FUT8: variants seen among roughly 807,000 people sequenced by gnomAD.
FUT8 encodes the protein fucosyltransferase 8.
A neutral mutation model predicts 71.3 loss-of-function variants in FUT8; 29 were observed. The observed-to-expected ratio is 0.41, with a 90% CI of 0.30 to 0.55. The LOEUF (loss-of-function observed/expected upper bound fraction) is 0.55, where lower values mean the gene tolerates loss of function less well. Among genes scored for constraint, FUT8 ranks in the 20% least tolerant of loss-of-function variants. The probability of loss-of-function intolerance (pLI) is 0.34; values close to 1 mark genes in which losing one functional copy is unlikely to be tolerated. For missense variants in FUT8, 544 were observed against 702.1 expected (o/e 0.77, Z 2.55); for synonymous variants, 254 against 239.3 (o/e 1.06, Z -0.57).
At chr14:65,439,858 T>C (rs575483584) in intron 1 of FUT8, among the ~76,000 whole-genome samples, 9 of 151,006 alleles carry the variant, frequency 6.0e-5, no homozygotes, top group South Asian at 2.1e-4. Flanking sequence ...TTATCTCTTA[T>C]GTTTGTTAAA....
chr14:65,527,535 T>G (rs1467061568), intron 2 of FUT8, among the ~76,000 whole-genome samples: 1 of 152,230 alleles, frequency 6.6e-6, no homozygotes, highest in Non-Finnish European at 1.5e-5. Context: ...TGGAGAAGTT[T>G]GATCGTCTGA....
chr14:65,543,314 T>A (rs1488215863), intron 2 of FUT8, among the ~76,000 whole-genome samples: 2 of 152,200 alleles, frequency 1.3e-5, no homozygotes, highest in African/African-American at 4.8e-5. Context: ...AAGGCCTGAT[T>A]TAATTTTTAT....
At chr14:65,533,416 G>T (rs1884083400) in intron 2 of FUT8, among the ~76,000 whole-genome samples, 1 of 152,044 alleles carries the variant, frequency 6.6e-6, no homozygotes, top group Admixed American at 6.6e-5. Context: ...TTTTGTGGCA[G>T]TTGCGAATGG....
chr14:65,702,222 G>A (rs866646400), intron 7 of FUT8, among the ~76,000 whole-genome samples: 1 of 152,088 alleles, frequency 6.6e-6, no homozygotes, highest in Non-Finnish European at 1.5e-5. Context: ...GCACACGCCT[G>A]TAATCCCAGC....
the FUT8 span, among the ~76,000 whole-genome samples, chr14:65,396,153 A>T: frequency 2.0e-5 from 3 of 152,330 alleles, no homozygotes; most frequent in Admixed American, 1.3e-4. The surrounding 1 kb of genome is among the most constrained non-coding windows in gnomAD (Gnocchi z 5.5). Context: ...ACAAGTCTCT[A>T]GGAAGTTCCA....
the FUT8 span, among the ~76,000 whole-genome samples, chr14:65,358,805 G>GTTATTTGTGTTTTTTTGTGCTA: frequency 6.6e-6 from 1 of 152,128 alleles, no homozygotes; most frequent in Non-Finnish European, 1.5e-5. Flanking sequence ...GTTTTCTGCT[G>GTTATTTGTGTTTTTTTGTGCTA]TTATTTGTGT....
In FUT8 at chr14:65,638,180, T is replaced by C. The variant is rs749288322; in HGVS notation, c.597+8574T>C. ...GTCCTACAGTTGTTCCTGTGAACAT[T>C]GTCCTTCTCCCAAGACCCTCCGTCT... On this transcript the variant is annotated intron_variant, in intron 6 of 10. Transcript: ENST00000673929. This position sits in a 1 kb window ranked among gnomAD's most constrained non-coding sequence, Gnocchi z 4.5. 6.6e-6 allele frequency among the ~76,000 whole-genome samples: 1 copy of C among 152,128 alleles called. No homozygotes were observed. The highest frequency in any genetic ancestry group is 2.4e-5 in the African/African-American group (1 of 41,430).
At chr14:65,714,820 A>G (rs1252006144) in intron 7 of FUT8, among the ~76,000 whole-genome samples, 1 of 152,080 alleles carries the variant, frequency 6.6e-6, no homozygotes, top group Non-Finnish European at 1.5e-5. Flanking sequence ...GTTAATTCCT[A>G]GGTATTTAAC....
intron 6 of FUT8, among the ~76,000 whole-genome samples, chr14:65,662,735 G>A (rs891023170): frequency 4.6e-5 from 7 of 152,200 alleles, no homozygotes; most frequent in Non-Finnish European, 8.8e-5. Flanking sequence ...AGAAGGGCGA[G>A]TGAACAGGGA....
chr14:65,710,914 A>G (rs942114406), intron 7 of FUT8, among the ~76,000 whole-genome samples: 7 of 152,192 alleles, frequency 4.6e-5, no homozygotes, highest in Non-Finnish European at 1.0e-4. Flanking sequence ...GGACATGGCA[A>G]GAGAGGAGGG....
chr14:65,505,611 C>G (rs2066719894), intron 2 of FUT8, among the ~76,000 whole-genome samples: 1 of 152,052 alleles, frequency 6.6e-6, no homozygotes, highest in Non-Finnish European at 1.5e-5. Flanking sequence ...CGTGCCCGGC[C>G]TACATCTCAG....
intron 2 of FUT8, among the ~76,000 whole-genome samples, chr14:65,547,936 A>G (rs1032816847): frequency 6.6e-6 from 1 of 151,910 alleles, no homozygotes; most frequent in Non-Finnish European, 1.5e-5. Context: ...CCCTGTTCCA[A>G]GATTCAATTC....
chr14:65,397,749 T>C, the FUT8 span, among the ~76,000 whole-genome samples: 1 of 152,254 alleles, frequency 6.6e-6, no homozygotes, highest in Non-Finnish European at 1.5e-5. The surrounding 1 kb of genome is among the most constrained non-coding windows in gnomAD (Gnocchi z 4.2). Context: ...TAAATAATTA[T>C]CTTCCTTGTT....
At chr14:65,623,619 A>G (rs930177287) in intron 5 of FUT8, among the ~76,000 whole-genome samples, 2 of 152,114 alleles carry the variant, frequency 1.3e-5, no homozygotes, top group Non-Finnish European at 1.5e-5. Flanking sequence ...TTGGGAAACT[A>G]ACACAGGAGA....
At chr14:65,523,603 C>G (rs953598649) in intron 2 of FUT8, among the ~76,000 whole-genome samples, 5 of 152,186 alleles carry the variant, frequency 3.3e-5, no homozygotes, top group African/African-American at 4.8e-5. Context: ...TCAATTTTGG[C>G]TTTTGTTGCC....
At chr14:65,575,546 A>ACGTCCCTTCCTC (rs1730638411) in intron 3 of FUT8, among the ~76,000 whole-genome samples, 1 of 146,674 alleles carries the variant, frequency 6.8e-6, no homozygotes, top group African/African-American at 2.5e-5. Flanking sequence ...CTTAGAACCA[A>ACGTCCCTTCCTC]CCTCCCTTCC....
intron 5 of FUT8, among the ~76,000 whole-genome samples, chr14:65,622,067 A>C (rs146641615): frequency 2.7e-4 from 41 of 152,294 alleles, no homozygotes; most frequent in Non-Finnish European, 5.4e-4. Context: ...CAGGTGATCC[A>C]TCTACTCCAG....
chr14:65,634,813 G>A (rs1890454863), intron 6 of FUT8, among the ~76,000 whole-genome samples: 1 of 152,124 alleles, frequency 6.6e-6, no homozygotes, highest in African/African-American at 2.4e-5. Context: ...TGACTATGCG[G>A]ACTCTTTTTT....
chr14:65,436,756 AT>A (rs901392004), intron 1 of FUT8, among the ~76,000 whole-genome samples: 114 of 151,782 alleles, frequency 7.5e-4, no homozygotes, highest in African/African-American at 2.3e-3. Context: ...TTCACATAAA[AT>A]TTTTTTTTCT....
Sources: allele counts gnomAD v4.1 joint callset (sites outside exome capture counted in the v4.1 genomes callset), GRCh38; gene constraint gnomAD v4.1.1; non-coding constraint Gnocchi (gnomAD v3.1); transcripts MANE v1.5; gene names NCBI Gene and HGNC (gene_info 2026-07-23, HGNC 2026-07-21).